The following MED13L variants were observed in gnomAD, a reference collection of about 807,000 sequenced individuals.
The protein encoded by MED13L is mediator of RNA polymerase II transcription subunit 13-like.
In MED13L, 7 loss-of-function variants were observed where a neutral mutation model predicts 220.9. The ratio of observed to expected loss-of-function variants is 0.03; its 90% confidence interval spans 0.02 to 0.06. The LOEUF (loss-of-function observed/expected upper bound fraction) is 0.06. Among genes scored for constraint, MED13L ranks in the 10% least tolerant of loss-of-function variants. The pLI is 1.00. For synonymous variants in MED13L, 1,011 were observed against 1,015.2 expected, an observed-to-expected ratio of 1.00 and a Z score of 0.08; for missense variants, 1,965 against 2,760.5, an observed-to-expected ratio of 0.71 and a Z score of 6.46.
chr12:116,015,030 A>C, intron 8 of MED13L, 79 bp downstream of exon 8: 3 of 1,399,540 alleles, frequency 2.1e-6, no homozygotes, highest in Non-Finnish European at 3.0e-6. Flanking sequence ...ACAATAGTGC[A>C]ATGTGATTGA....
chr12:116,069,604 G>A lies in MED13L; in HGVS notation c.479+27065C>T, dbSNP rs1269490193. 2.0e-5 allele frequency among the ~76,000 whole-genome samples: 3 copies of A among 152,098 alleles called. No homozygotes were observed. In the East Asian group the frequency reaches 5.8e-4, roughly 29 times the overall value. ...AATGTGTTCATTTGTAGTATTTTGT[G>A]AATATAGTATTTGATATATTTACCA... On this transcript the variant is annotated intron_variant, in intron 4 of 30. Coordinates refer to ENST00000281928, the MANE Select transcript of MED13L (RefSeq NM_015335.5).
intron 29 of MED13L, 37 bp downstream of exon 29, chr12:115,966,045 C>T (rs752790284): frequency 6.8e-6 from 11 of 1,607,728 alleles, no homozygotes; most frequent in Non-Finnish European, 7.7e-6. Flanking sequence ...GTAAATCACT[C>T]ATTCCTTGCA....
At chr12:115,961,584 C>G (rs1875758454) in intron 30 of MED13L, 186 bp from the exon 31 acceptor site, 4 of 785,392 alleles carry the variant, frequency 5.1e-6, no homozygotes, top group Non-Finnish European at 8.2e-6. Context: ...CTATCCAGTA[C>G]AGTAGCCAGC....
At chr12:116,215,806 T>C (rs1882957700) in intron 2 of MED13L, among the ~76,000 whole-genome samples, 1 of 152,202 alleles carries the variant, frequency 6.6e-6, no homozygotes, top group Admixed American at 6.5e-5. Flanking sequence ...TTTCCAAGAA[T>C]GATGGAACCA....
chr12:116,218,736 A>T (rs1043885208), intron 2 of MED13L, among the ~76,000 whole-genome samples: 36 of 145,764 alleles, frequency 2.5e-4, no homozygotes, highest in Non-Finnish European at 4.9e-4. Flanking sequence ...AAGCAGTAAA[A>T]TTTTTTTTTT....
chr12:116,232,541 C>T (rs950114909), intron 2 of MED13L, among the ~76,000 whole-genome samples: 6 of 152,224 alleles, frequency 3.9e-5, no homozygotes, highest in African/African-American at 9.6e-5. Context: ...GTCAATCTGC[C>T]GGGAGTGCAA....
chr12:116,052,332 G>T (rs767035691), intron 4 of MED13L, among the ~76,000 whole-genome samples: 6 of 152,200 alleles, frequency 3.9e-5, no homozygotes, highest in Non-Finnish European at 8.8e-5. Flanking sequence ...CAAAGGATGT[G>T]AGGGAGTGTT....
At chr12:116,182,213 G>T (rs1880576727) in intron 2 of MED13L, among the ~76,000 whole-genome samples, 1 of 152,060 alleles carries the variant, frequency 6.6e-6, no homozygotes, top group Admixed American at 6.6e-5. Context: ...AATATGGTTA[G>T]AAAAAAACCC....
chr12:116,149,935 T>G (rs1321874419), intron 2 of MED13L, among the ~76,000 whole-genome samples: 1 of 152,310 alleles, frequency 6.6e-6, no homozygotes, highest in South Asian at 2.1e-4. Context: ...AAAAGAAAGG[T>G]GTGATATTTC....
chr12:116,277,265 G>A lies in MED13L; in HGVS notation c.-134C>T. On this transcript the variant is annotated 5_prime_UTR_variant, in exon 1 of 31. Transcript: ENST00000281928. ...CGCCGCCGCCGCCGGGGGAGGGCGC[G>A]AGGGCCGGCGGGCAGGCGGGAGGCG... 4.4e-6 allele frequency: 1 copy of A among 225,060 alleles called. No homozygotes were observed. The highest frequency in any genetic ancestry group is 7.2e-6 in the Non-Finnish European group (1 of 138,544). The allele number at this position is 225,060 out of a possible 1,614,324, so 13.9% of individuals were successfully genotyped here.
intron 7 of MED13L, among the ~76,000 whole-genome samples, chr12:116,018,523 TATG>T (rs1879865351): frequency 6.6e-6 from 1 of 152,182 alleles, no homozygotes; most frequent in Admixed American, 6.5e-5. Context: ...TCGGCTCAAG[TATG>T]ATGAGTATCC....
At chr12:116,198,667 C>T (rs1223656411) in intron 2 of MED13L, among the ~76,000 whole-genome samples, 1 of 152,118 alleles carries the variant, frequency 6.6e-6, no homozygotes, top group Non-Finnish European at 1.5e-5. Flanking sequence ...TTACATCTTT[C>T]TTAGTGTCCA....
rs1875681031 is a variant in MED13L at position 115,960,308 on chromosome 12, T to C, written c.*958A>G. ...CAATAAGAATTCACTAGAAAATATATTTCCGTTGTGACTATATAAAACTAA... is the reference window on the plus strand; with the variant it reads ...CAATAAGAATTCACTAGAAAATATACTTCCGTTGTGACTATATAAAACTAA... On this transcript the variant is annotated 3_prime_UTR_variant, in exon 31 of 31. Coordinates refer to ENST00000281928, the MANE Select transcript of MED13L (RefSeq NM_015335.5). The C allele has an allele frequency of 6.6e-6, 1 of 152,632 alleles. No individual in the cohort carries two copies. 9.5% of individuals were successfully genotyped at this position (152,632 alleles called of 1,614,324 possible).
At chr12:116,028,540 CAT>C (rs1462017626) in intron 4 of MED13L, among the ~76,000 whole-genome samples, 2 of 152,118 alleles carry the variant, frequency 1.3e-5, no homozygotes, top group African/African-American at 4.8e-5. Flanking sequence ...GTGTTTAGTA[CAT>C]CCAAGATTTT....
intron 2 of MED13L, among the ~76,000 whole-genome samples, chr12:116,191,103 A>AAAAAAGAAAAG (rs1555221263): frequency 6.6e-6 from 1 of 151,014 alleles, no homozygotes; most frequent in African/African-American, 2.4e-5. Flanking sequence ...AAAAAAAAAA[A>AAAAAAGAAAAG]AAAAGAAAAG....
intron 3 of MED13L, 64 bp downstream of exon 3, chr12:116,111,364 A>G (rs1200229277): frequency 1.4e-5 from 18 of 1,300,318 alleles, no homozygotes; most frequent in Non-Finnish European, 1.9e-5. Flanking sequence ...ATTACAGGAA[A>G]CTCTCGGTAT....
chr12:116,002,082 T>G (rs1878780010), intron 14 of MED13L, among the ~76,000 whole-genome samples: 1 of 152,262 alleles, frequency 6.6e-6, no homozygotes, highest in African/African-American at 2.4e-5. Flanking sequence ...TTTGTGAAAT[T>G]CTGCAGTGCA....
intron 4 of MED13L, among the ~76,000 whole-genome samples, chr12:116,049,320 G>C (rs1314122239): frequency 3.3e-5 from 5 of 152,088 alleles, no homozygotes; most frequent in East Asian, 1.9e-4. Flanking sequence ...AGGCCAAAAG[G>C]CTTGAAATTA....
At chr12:116,267,074 T>C (rs967080037) in intron 1 of MED13L, among the ~76,000 whole-genome samples, 9 of 152,184 alleles carry the variant, frequency 5.9e-5, no homozygotes, top group Non-Finnish European at 1.0e-4. Flanking sequence ...AAAGTGTTAA[T>C]AGAACTGCTA....
Sources: gnomAD v4.1 joint callset for allele counts (sites outside exome capture counted in the v4.1 genomes callset) on GRCh38, gnomAD v4.1.1 for gene constraint, MANE v1.5 for transcripts, NCBI Gene and HGNC (gene_info 2026-07-23, HGNC 2026-07-21) for gene names.